ZNF638: variants seen among roughly 807,000 people sequenced by gnomAD.
ZNF638 encodes the protein CTCL tumor antigen se33-1.
A neutral mutation model predicts 195.6 loss-of-function variants in ZNF638; 46 were observed. That is an observed-to-expected ratio of 0.24 (90% CI 0.19 to 0.30). The LOEUF (loss-of-function observed/expected upper bound fraction) is 0.30. Ranked by LOEUF, ZNF638 falls within the 10% of genes least tolerant of loss-of-function variation. The pLI, the probability that ZNF638 is intolerant of heterozygous loss-of-function variation, is 1.00. For synonymous variants in ZNF638, 845 were observed against 772.0 expected (o/e 1.09, Z -1.57); for missense variants, 2,440 against 2,325.3 (o/e 1.05, Z -1.01).
At position 71,424,712 on chromosome 2, in the gene ZNF638, A is replaced by G. The variant is rs757262422; in HGVS notation, c.4587A>G (p.Lys1529=). 1.1e-5 allele frequency: 18 copies of G among 1,612,644 alleles called. No individual in the cohort carries two copies. The highest frequency in any genetic ancestry group is 3.3e-5 in the Admixed American group (2 of 59,914). ...CTACTGGTAGAAGTTCCAAATCTAA[A>G]GAGGTAAAAAATAGATCACAGACCC... The part of the protein sequence containing the change: ...KSTTGRSSKS[K]EEPLFPFNLD... The change falls in exon 23 of 28, where the codon AAA becomes AAG. Residue 1529 remains lysine (K), a synonymous_variant. Coordinates refer to ENST00000264447, the MANE Select transcript of ZNF638 (RefSeq NM_014497.5).
chr2:71,385,593 T>C lies in ZNF638; in HGVS notation c.2377+5028T>C, dbSNP rs1329680656. 5.3e-5 allele frequency among the ~76,000 whole-genome samples: 8 copies of C among 152,308 alleles called. No homozygotes were observed. The East Asian group carries it at 1.2e-3, about 22-fold the overall frequency. ...TCTTGGCTGGTGGTAGTCACACTGA[T>C]CTACACCTATGATAAAATTTCAGAG... On this transcript the variant is annotated intron_variant, in intron 10 of 27. Coordinates refer to ENST00000264447, the MANE Select transcript of ZNF638 (RefSeq NM_014497.5).
chr2:71,364,829 G>A (rs1021043572), intron 5 of ZNF638, among the ~76,000 whole-genome samples: 2 of 152,180 alleles, frequency 1.3e-5, no homozygotes, highest in African/African-American at 4.8e-5. Context: ...TATGGCCCAA[G>A]GATCGATTGG....
chr2:71,332,428 G>A (rs1176774918), intron 1 of ZNF638, among the ~76,000 whole-genome samples: 2 of 152,204 alleles, frequency 1.3e-5, no homozygotes, highest in Non-Finnish European at 2.9e-5. Context: ...GGGGGTGTCG[G>A]GATGAAGGAG....
chr2:71,336,724 C>G (rs2078677770), intron 1 of ZNF638, among the ~76,000 whole-genome samples: 5 of 152,022 alleles, frequency 3.3e-5, no homozygotes. Flanking sequence ...GCAGTGGGAC[C>G]AGAGTTATTT....
At chr2:71,336,376 A>C (rs2078669284) in intron 1 of ZNF638, among the ~76,000 whole-genome samples, 1 of 12,582 alleles carries the variant, frequency 7.9e-5, no homozygotes, top group Non-Finnish European at 2.1e-4. Flanking sequence ...CATCTCCAAA[A>C]AAAAAAAAAA....
Position 71,422,830 on chromosome 2 carries a change from A to G in ZNF638, c.3316A>G (p.Ser1106Gly), listed in dbSNP as rs752211256. The G allele has an allele frequency of 9.3e-6, 15 of 1,609,208 alleles. No individual in the cohort carries two copies. The East Asian group carries it at 3.1e-4, about 34-fold the overall frequency. Residue 1106 changes from serine (S) to glycine (G), a missense_variant, in exon 22 of 28, where the codon AGT (serine) becomes GGT (glycine). By Grantham distance (56) the Ser-to-Gly change is moderately conservative. Transcript: ENST00000264447. ...TACTTTTAGCCCTGGCTTGAAAAAC[A>G]GTCCAATTGATGAAAGTGAGGTGCA... is the stretch of plus-strand genomic sequence containing the variant. ...LEKESPGLKN[S>G]PIDESEVQTA...
chr2:71,335,094 T>G (rs2078642891), intron 1 of ZNF638, among the ~76,000 whole-genome samples: 1 of 152,198 alleles, frequency 6.6e-6, no homozygotes, highest in Middle Eastern at 3.2e-3. Flanking sequence ...ACTCTTTCTC[T>G]AAGGCCACCA....
intron 10 of ZNF638, among the ~76,000 whole-genome samples, chr2:71,390,301 C>T (rs1425238930): frequency 6.6e-6 from 1 of 152,202 alleles, no homozygotes; most frequent in African/African-American, 2.4e-5. Flanking sequence ...GAACAGCCAC[C>T]TCTGGGAGCG....
At chr2:71,337,682 G>A (rs184272016) in intron 1 of ZNF638, among the ~76,000 whole-genome samples, 5 of 152,288 alleles carry the variant, frequency 3.3e-5, no homozygotes, top group South Asian at 2.1e-4. Context: ...GTAAGATTAC[G>A]TGCATGAGCC....
chr2:71,401,083 C>T (rs937249866), intron 15 of ZNF638, among the ~76,000 whole-genome samples: 2 of 152,014 alleles, frequency 1.3e-5, no homozygotes, highest in Non-Finnish European at 2.9e-5. Context: ...CTAGTAGATC[C>T]ATTCTTCAAG....
intron 1 of ZNF638, chr2:71,334,387 A>G (rs958104890): frequency 6.6e-6 from 1 of 152,202 alleles, no homozygotes; most frequent in East Asian, 1.9e-4. Flanking sequence ...GAATGCTGCC[A>G]TGTAGTGGTT....
intron 1 of ZNF638, 32 bp downstream of exon 1, chr2:71,331,907 T>A: frequency 4.1e-6 from 4 of 985,976 alleles, no homozygotes; most frequent in Non-Finnish European, 4.8e-6. Flanking sequence ...GAGTAGGGGG[T>A]TGGAAGGCGG....
rs758398742 is a variant in ZNF638, at chr2:71,400,154, A to G, written c.2630A>G (p.Glu877Gly). Residue 877 changes from glutamate to glycine, a missense_variant, in exon 14 of 28, where the codon GAA becomes GGA. This residue lies in a region of ZNF638 where 1,883 missense variants were observed against 1,739.1 expected (regional missense o/e 1.08). Coordinates refer to ENST00000264447, the MANE Select transcript of ZNF638 (RefSeq NM_014497.5). The part of the protein sequence containing the change: ...IKTSIEVKAT[E>G]NCAKEAISDA... ...ACCAGTATTGAAGTCAAAGCCACTGAAAACTGTGCTAAAGAAGCTATTTCT... is the reference window on the plus strand; with the variant it reads ...ACCAGTATTGAAGTCAAAGCCACTGGAAACTGTGCTAAAGAAGCTATTTCT... 1.2e-6 allele frequency: 2 copies of G among 1,608,462 alleles called. No homozygotes were observed. Among genetic ancestry groups the G allele is most frequent in the East Asian group, 2.2e-5 (1 of 44,732 alleles).
Position 71,427,052 on chromosome 2 carries a change from A to C in ZNF638, c.5183A>C (p.Glu1728Ala), listed in dbSNP as rs1458634957. Residue 1728 changes from glutamate (E) to alanine (A), a missense_variant, in exon 24 of 28, where the codon GAA becomes GCA. This residue lies in a region of ZNF638 where 1,883 missense variants were observed against 1,739.1 expected (regional missense o/e 1.08). Coordinates refer to ENST00000264447, the MANE Select transcript of ZNF638 (RefSeq NM_014497.5). ...SIGFISSQVP[E>A]DPSTLVTVDE... ...GGCTTCATTTCTTCTCAGGTGCCCG[A>C]AGACCCTTCTACTTTAGTTACTGTA... The C allele has an allele frequency of 6.2e-7, 1 of 1,614,036 alleles. No homozygotes were observed. Among genetic ancestry groups the C allele is most frequent in the Non-Finnish European group, 8.5e-7 (1 of 1,179,972 alleles).
At chr2:71,388,708 A>G in intron 10 of ZNF638, 1 of 1,181,048 alleles carries the variant, frequency 8.5e-7, no homozygotes, top group Non-Finnish European at 1.3e-6. Context: ...ATGAAGGCGA[A>G]GAGACTGTGC....
intron 11 of ZNF638, among the ~76,000 whole-genome samples, chr2:71,397,342 GTT>G (rs1234269155): frequency 7.2e-5 from 11 of 152,174 alleles, no homozygotes; most frequent in Admixed American, 3.9e-4. Context: ...CTGAGGCTCA[GTT>G]TACTGCAGTG....
chr2:71,394,089 A>T (rs1255724436), intron 10 of ZNF638, among the ~76,000 whole-genome samples: 1 of 152,184 alleles, frequency 6.6e-6, no homozygotes, highest in Non-Finnish European at 1.5e-5. Flanking sequence ...TTTGGTTGGG[A>T]GGTCTGTCAC....
At chr2:71,383,764 T>TTTTTTC (rs2079580551) in intron 10 of ZNF638, among the ~76,000 whole-genome samples, 1 of 33,418 alleles carries the variant, frequency 3.0e-5, no homozygotes, top group Non-Finnish European at 9.7e-5. Flanking sequence ...TTCTTTTTCT[T>TTTTTTC]TTTTTTTTTT....
intron 25 of ZNF638, among the ~76,000 whole-genome samples, chr2:71,429,973 G>A (rs2080623269): frequency 6.6e-6 from 1 of 152,096 alleles, no homozygotes; most frequent in Non-Finnish European, 1.5e-5. Flanking sequence ...ATTTCATGAG[G>A]TCACCCCCCG....
Sources: allele counts gnomAD v4.1 joint callset (sites outside exome capture counted in the v4.1 genomes callset), GRCh38; gene constraint gnomAD v4.1.1; regional missense constraint gnomAD v4.1.1; transcripts MANE v1.5; gene names NCBI Gene and HGNC (gene_info 2026-07-23, HGNC 2026-07-21).